The following NTRK3 variants were observed in gnomAD, a reference collection of about 807,000 sequenced individuals.
NTRK3 encodes neurotrophic receptor tyrosine kinase 3.
NTRK3 carries 24 observed loss-of-function variants against 91.7 expected under a neutral mutation model. That is an observed-to-expected ratio of 0.26 (90% CI 0.19 to 0.37). NTRK3 has a LOEUF of 0.37. NTRK3 is among the 10% of genes least tolerant of loss of function. The pLI is 1.00. For missense variants in NTRK3, 880 were observed against 1,068.9 expected (o/e 0.82, Z 2.46); for synonymous variants, 483 against 404.0 (o/e 1.20, Z -2.34).
At chr15:87,890,351 T>A (rs575203874) in intron 17 of NTRK3, among the ~76,000 whole-genome samples, 1 of 152,178 alleles carries the variant, frequency 6.6e-6, no homozygotes, top group Non-Finnish European at 1.5e-5. Flanking sequence ...ATTATAGTAT[T>A]CCTTCTGCAT....
At chr15:88,001,248 C>G (rs2076079771) in intron 14 of NTRK3, among the ~76,000 whole-genome samples, 1 of 152,126 alleles carries the variant, frequency 6.6e-6, no homozygotes, top group African/African-American at 2.4e-5. Context: ...ACTCCCTTAT[C>G]AGATATGATT....
chr15:88,185,018 T>C (rs761119187), intron 3 of NTRK3, among the ~76,000 whole-genome samples: 1 of 152,232 alleles, frequency 6.6e-6, no homozygotes, highest in Non-Finnish European at 1.5e-5. Context: ...CCCAGTGACT[T>C]TGAGCCAGTG....
chr15:87,969,575 C>A (rs904220502), intron 14 of NTRK3, among the ~76,000 whole-genome samples: 1 of 152,128 alleles, frequency 6.6e-6, no homozygotes, highest in African/African-American at 2.4e-5. Context: ...CTACAGCCTG[C>A]TTACATCTTC....
intron 14 of NTRK3, among the ~76,000 whole-genome samples, chr15:87,983,378 T>G (rs1467547357): frequency 2.0e-5 from 3 of 151,618 alleles, no homozygotes; most frequent in Non-Finnish European, 4.4e-5. Context: ...TAAGAAGAGG[T>G]GAGATGTTTT....
intron 14 of NTRK3, among the ~76,000 whole-genome samples, chr15:87,958,223 G>C (rs2071877387): frequency 6.6e-6 from 1 of 152,144 alleles, no homozygotes; most frequent in Non-Finnish European, 1.5e-5. Context: ...GCATATATAG[G>C]ATGCTTAGTC....
rs755681467 is a variant in NTRK3, at chr15:88,075,964, C to T, written c.1397-42919G>A. Among the ~76,000 whole-genome samples, 5 of 152,228 alleles carry T rather than the reference C, an allele frequency of 3.3e-5. No homozygotes were observed. The South Asian group carries it at 8.3e-4, about 25-fold the overall frequency. On this transcript the variant is annotated intron_variant, in intron 13 of 18. Transcript: ENST00000394480. ...CACTAAACTCAGAGCCTGGCACACACTCAGCTTTCAGCTTAGGCTAGACAC... is the reference window on the plus strand; with the variant it reads ...CACTAAACTCAGAGCCTGGCACACATTCAGCTTTCAGCTTAGGCTAGACAC...
chr15:88,009,203 T>G (rs2076699303), intron 14 of NTRK3, among the ~76,000 whole-genome samples: 1 of 152,220 alleles, frequency 6.6e-6, no homozygotes, highest in Admixed American at 6.5e-5. Flanking sequence ...ATTTTGATGA[T>G]GATGATATTA....
At chr15:87,887,986 A>T (rs1340774608) in intron 17 of NTRK3, among the ~76,000 whole-genome samples, 1 of 152,218 alleles carries the variant, frequency 6.6e-6, no homozygotes, top group African/African-American at 2.4e-5. Context: ...TGAACCCTGA[A>T]AAAAGAGATG....
exon 19 of NTRK3, chr15:87,859,774 G>GTATA: frequency 5.7e-6 from 1 of 175,106 alleles, no homozygotes; most frequent in Admixed American, 6.4e-5. Flanking sequence ...CTTTATTTGA[G>GTATA]AAGAGACCCT....
intron 14 of NTRK3, among the ~76,000 whole-genome samples, chr15:88,024,851 T>C (rs1355532896): frequency 6.6e-6 from 1 of 152,232 alleles, no homozygotes; most frequent in Non-Finnish European, 1.5e-5. Flanking sequence ...TGTGAAGGCA[T>C]GGACACATTG....
At chr15:88,115,205 T>C (rs1231050418) in intron 13 of NTRK3, among the ~76,000 whole-genome samples, 1 of 152,244 alleles carries the variant, frequency 6.6e-6, no homozygotes, top group Non-Finnish European at 1.5e-5. Flanking sequence ...TGGCCCCTGA[T>C]TTCTGATAGC....
At chr15:88,123,960 T>C (rs1357864957) in intron 13 of NTRK3, among the ~76,000 whole-genome samples, 1 of 152,216 alleles carries the variant, frequency 6.6e-6, no homozygotes, top group Non-Finnish European at 1.5e-5. Flanking sequence ...GAGGCATGTA[T>C]GGCTCCCTGC....
At chr15:87,973,315 G>A (rs1426202066) in intron 14 of NTRK3, among the ~76,000 whole-genome samples, 2 of 152,166 alleles carry the variant, frequency 1.3e-5, no homozygotes, top group Non-Finnish European at 2.9e-5. Context: ...TATCCACTGA[G>A]TAGGAGAAAC....
chr15:88,215,350 C>A (rs1107291), intron 3 of NTRK3, among the ~76,000 whole-genome samples: 16,136 of 152,300 alleles, frequency 0.11, 1,013 homozygotes, highest in Middle Eastern at 0.18. Context: ...CACGGCCCCC[C>A]ACTGCCCCAC....
chr15:87,866,928 C>T (rs1392967679), exon 19 of NTRK3: 2 of 214,054 alleles, frequency 9.3e-6, no homozygotes, highest in African/African-American at 4.5e-5. Flanking sequence ...AGAAATATAG[C>T]ATATCCACTC....
intron 14 of NTRK3, among the ~76,000 whole-genome samples, chr15:88,008,022 G>C (rs2076613804): frequency 1.3e-5 from 2 of 152,182 alleles, no homozygotes; most frequent in Admixed American, 6.5e-5. Context: ...TAGAGATACA[G>C]AGATCTAAGG....
At chr15:87,967,824 T>G (rs962121454) in intron 14 of NTRK3, among the ~76,000 whole-genome samples, 5 of 152,364 alleles carry the variant, frequency 3.3e-5, no homozygotes, top group Middle Eastern at 3.4e-3. Flanking sequence ...CAGTTTGCTT[T>G]AAGTCAACAC....
chr15:88,165,477 A>C (rs1278934206), intron 5 of NTRK3, among the ~76,000 whole-genome samples: 1 of 152,190 alleles, frequency 6.6e-6, no homozygotes, highest in East Asian at 1.9e-4. Flanking sequence ...TTAACTTGCT[A>C]ATCATTTTTC....
chr15:87,931,055 C>A, intron 16 of NTRK3: 1 of 354,084 alleles, frequency 2.8e-6, no homozygotes, highest in African/African-American at 2.1e-5. Context: ...TTCTTCTGTA[C>A]TCCTTTTTCT....
Sources: gnomAD v4.1 joint callset for allele counts (sites outside exome capture counted in the v4.1 genomes callset) on GRCh38, gnomAD v4.1.1 for gene constraint, MANE v1.5 for transcripts, NCBI Gene and HGNC (gene_info 2026-07-23, HGNC 2026-07-21) for gene names.